The following KCNQ3 variants were observed in gnomAD, a reference collection of about 807,000 sequenced individuals.
KCNQ3 encodes potassium voltage-gated channel subfamily KQT member 3.
A neutral mutation model predicts 92.5 loss-of-function variants in KCNQ3; 30 were observed. That is an observed-to-expected ratio of 0.32 (90% CI 0.24 to 0.44). The LOEUF (loss-of-function observed/expected upper bound fraction) is 0.44. Ranked by LOEUF, KCNQ3 falls within the 20% of genes least tolerant of loss-of-function variation. KCNQ3 has a pLI of 1.00. For synonymous variants in KCNQ3, 450 were observed against 468.8 expected, an observed-to-expected ratio of 0.96 and a Z score of 0.52; for missense variants, 913 against 1,140.3, an observed-to-expected ratio of 0.80 and a Z score of 2.87.
chr8:132,417,607 G>A (rs1820851226), intron 1 of KCNQ3, among the ~76,000 whole-genome samples: 1 of 152,222 alleles, frequency 6.6e-6, no homozygotes, highest in South Asian at 2.1e-4. Flanking sequence ...CACACTCTAT[G>A]TGCTGGGGAC....
chr8:132,221,023 G>A (rs1325176076), intron 1 of KCNQ3, among the ~76,000 whole-genome samples: 1 of 152,048 alleles, frequency 6.6e-6, no homozygotes, highest in Non-Finnish European at 1.5e-5. Context: ...GTGTCCAAGT[G>A]TTCTCATTGT....
At chr8:132,367,486 C>T (rs1412919274) in intron 1 of KCNQ3, among the ~76,000 whole-genome samples, 1 of 152,214 alleles carries the variant, frequency 6.6e-6, no homozygotes, top group Non-Finnish European at 1.5e-5. Context: ...CTTTCAAGAT[C>T]TTAGAGTCTA....
At chr8:132,417,400 G>A (rs146173338) in intron 1 of KCNQ3, among the ~76,000 whole-genome samples, 55 of 152,258 alleles carry the variant, frequency 3.6e-4, no homozygotes, top group Admixed American at 1.4e-3. Flanking sequence ...TCTCCTGCTG[G>A]TTCCTCCTAT....
chr8:132,462,629 A>G (rs12547451), intron 1 of KCNQ3, among the ~76,000 whole-genome samples: 34,679 of 152,156 alleles, frequency 0.23, 4,208 homozygotes, highest in East Asian at 0.37. Flanking sequence ...TACTGCATTC[A>G]GAATATCTGA....
intron 1 of KCNQ3, among the ~76,000 whole-genome samples, chr8:132,315,386 C>T (rs781172706): frequency 1.3e-5 from 2 of 151,826 alleles, no homozygotes; most frequent in South Asian, 2.1e-4. Flanking sequence ...CCTGGGGGGC[C>T]GTAGGGTCAC....
intron 1 of KCNQ3, among the ~76,000 whole-genome samples, chr8:132,469,289 G>A (rs1408871465): frequency 6.6e-6 from 1 of 152,188 alleles, no homozygotes; most frequent in African/African-American, 2.4e-5. Flanking sequence ...ACCCAATATA[G>A]ACAAGGTCCT....
At position 132,201,887 on chromosome 8, in the gene KCNQ3, C is replaced by T. The variant is rs542154390; in HGVS notation, c.387-15706G>A. On this transcript the variant is annotated intron_variant, in intron 1 of 14. Transcript: ENST00000388996. The stretch of plus-strand genomic sequence containing the variant: ...TCTGCACCTGTGACAAGTCTCTGCC[C>T]GGGCCCCCAGGCTATATGCAATATC... 1.4e-3 allele frequency among the ~76,000 whole-genome samples: 208 copies of T among 152,318 alleles called. 2 individuals carry two copies. Among genetic ancestry groups the T allele is most frequent in the Middle Eastern group, 0.014 (4 of 294 alleles).
intron 1 of KCNQ3, among the ~76,000 whole-genome samples, chr8:132,205,045 ATGCC>A (rs1813612822): frequency 6.6e-6 from 1 of 152,160 alleles, no homozygotes; most frequent in Non-Finnish European, 1.5e-5. Flanking sequence ...ATATACAAAA[ATGCC>A]TGAGCTTCAT....
chr8:132,341,227 A>G (rs1420008681), intron 1 of KCNQ3, among the ~76,000 whole-genome samples: 1 of 152,252 alleles, frequency 6.6e-6, no homozygotes, highest in African/African-American at 2.4e-5. Context: ...TTAGTGCGTG[A>G]CTACCTCGCA....
At chr8:132,292,742 T>A (rs73710513) in intron 1 of KCNQ3, among the ~76,000 whole-genome samples, 1 of 152,156 alleles carries the variant, frequency 6.6e-6, no homozygotes, top group Non-Finnish European at 1.5e-5. Context: ...GTCCTTGTTA[T>A]AATATTGGGG....
chr8:132,276,573 T>C (rs1026004723), intron 1 of KCNQ3, among the ~76,000 whole-genome samples: 1 of 152,210 alleles, frequency 6.6e-6, no homozygotes, highest in African/African-American at 2.4e-5. Flanking sequence ...GATGGGTATT[T>C]AAAACTACTT....
chr8:132,315,216 GA>G (rs930031513), intron 1 of KCNQ3, among the ~76,000 whole-genome samples: 1 of 152,140 alleles, frequency 6.6e-6, no homozygotes, highest in Non-Finnish European at 1.5e-5. Flanking sequence ...AGAATGTGGG[GA>G]AAACGAGGGG....
chr8:132,215,757 G>A (rs1410986067), intron 1 of KCNQ3, among the ~76,000 whole-genome samples: 1 of 152,230 alleles, frequency 6.6e-6, no homozygotes, highest in Non-Finnish European at 1.5e-5. Flanking sequence ...ATAGGTGAGG[G>A]TGCTGGTGAA....
intron 9 of KCNQ3, among the ~76,000 whole-genome samples, chr8:132,154,802 C>A (rs555098968): frequency 6.6e-6 from 1 of 152,124 alleles, no homozygotes; most frequent in Non-Finnish European, 1.5e-5. Flanking sequence ...TATTTTGTAA[C>A]CTCTCACTCT....
intron 1 of KCNQ3, among the ~76,000 whole-genome samples, chr8:132,276,373 G>T (rs1292993630): frequency 6.6e-6 from 1 of 152,038 alleles, no homozygotes; most frequent in Non-Finnish European, 1.5e-5. Flanking sequence ...GAGTGACAGG[G>T]GAGCTGTCAG....
intron 1 of KCNQ3, among the ~76,000 whole-genome samples, chr8:132,375,621 G>A (rs1008972626): frequency 6.6e-6 from 1 of 152,154 alleles, no homozygotes. Context: ...TGCTTTAAGT[G>A]GTTCTGTTCC....
chr8:132,409,216 T>C (rs1443474342), intron 1 of KCNQ3, among the ~76,000 whole-genome samples: 1 of 152,164 alleles, frequency 6.6e-6, no homozygotes, highest in Non-Finnish European at 1.5e-5. Context: ...CAAATTTGCC[T>C]TCGGAAAGTT....
rs77193761 is a variant in KCNQ3 at position 132,170,264 on chromosome 8, C to T, written c.1235+70G>A. ...TGTTCTCCAGGGACCCGTGAGGCCA[C>T]AGACACGAATACAGACCGCAGGAGA... is the stretch of plus-strand genomic sequence containing the variant. On this transcript the variant is annotated intron_variant, in intron 8 of 14. Coordinates refer to ENST00000388996, the MANE Select transcript of KCNQ3 (RefSeq NM_004519.4). 5,264 of 1,134,290 alleles carry T rather than the reference C, an allele frequency of 4.6e-3. 205 individuals carry two copies. The African/African-American group carries it at 0.071, about 15-fold the overall frequency. The allele number at this position is 1,134,290 out of a possible 1,614,324, so 70.3% of individuals were successfully genotyped here. A position where few individuals can be genotyped will look rare whatever the true frequency, so the allele number is the denominator to read the frequency against.
intron 1 of KCNQ3, among the ~76,000 whole-genome samples, chr8:132,432,714 CCTAT>C (rs1053045272): frequency 6.6e-5 from 10 of 152,200 alleles, no homozygotes; most frequent in African/African-American, 2.4e-4. Context: ...CCCCTCACAT[CCTAT>C]CTCTGTCATC....
Sources: gnomAD v4.1 joint callset for allele counts (sites outside exome capture counted in the v4.1 genomes callset) on GRCh38, gnomAD v4.1.1 for gene constraint, MANE v1.5 for transcripts, NCBI Gene and HGNC (gene_info 2026-07-23, HGNC 2026-07-21) for gene names.